BCL2: variants seen among roughly 807,000 people sequenced by gnomAD.
BCL2 encodes the protein BCL2 apoptosis regulator, also known as apoptosis regulator Bcl-2.
A neutral mutation model predicts 14.2 loss-of-function variants in BCL2; 1 was observed. That is an observed-to-expected ratio of 0.07 (90% CI 0.02 to 0.33). The LOEUF is 0.33. Ranked by LOEUF, BCL2 falls within the 10% of genes least tolerant of loss-of-function variation. The probability of loss-of-function intolerance (pLI) is 0.99; values close to 1 mark genes in which losing one functional copy is unlikely to be tolerated. For synonymous variants in BCL2, 151 were observed against 137.2 expected (o/e 1.10, Z -0.70); for missense variants, 247 against 305.9 (o/e 0.81, Z 1.44).
At chr18:63,159,602 A>T (rs1281891827) in intron 2 of BCL2, among the ~76,000 whole-genome samples, 4 of 152,346 alleles carry the variant, frequency 2.6e-5, no homozygotes, top group African/African-American at 9.6e-5. Context: ...GAAGCAGTCC[A>T]TCTCAGTGAG....
At chr18:63,172,252 C>CT (rs1437196416) in intron 2 of BCL2, among the ~76,000 whole-genome samples, 1 of 152,204 alleles carries the variant, frequency 6.6e-6, no homozygotes, top group Non-Finnish European at 1.5e-5. Context: ...TTTTCACATC[C>CT]TTTCATTCAC....
At chr18:63,195,431 A>C (rs1243727032) in intron 2 of BCL2, among the ~76,000 whole-genome samples, 1 of 152,192 alleles carries the variant, frequency 6.6e-6, no homozygotes, top group Non-Finnish European at 1.5e-5. Context: ...TCACTCCTTC[A>C]CCTTCTTTTA....
intron 2 of BCL2, among the ~76,000 whole-genome samples, chr18:63,147,958 T>G (rs180984688): frequency 2.4e-4 from 36 of 152,306 alleles, no homozygotes; most frequent in African/African-American, 8.7e-4. Flanking sequence ...GTTTCCACAT[T>G]TAAGTCTTTT....
intron 2 of BCL2, among the ~76,000 whole-genome samples, chr18:63,224,656 T>C (rs1910496841): frequency 6.6e-6 from 1 of 152,156 alleles, no homozygotes; most frequent in South Asian, 2.1e-4. Flanking sequence ...TACTGTAAGC[T>C]GGGAGCCACA....
At chr18:63,193,799 T>C (rs972731734) in intron 2 of BCL2, among the ~76,000 whole-genome samples, 20 of 152,132 alleles carry the variant, frequency 1.3e-4, no homozygotes, top group African/African-American at 4.8e-4. Context: ...GGTTCTAAAA[T>C]GATATCATCA....
chr18:63,233,666 C>T (rs150364911), intron 2 of BCL2, among the ~76,000 whole-genome samples: 51 of 152,284 alleles, frequency 3.3e-4, no homozygotes, highest in Middle Eastern at 6.8e-3. Flanking sequence ...CTGCAGCTCA[C>T]CTTCTGCGGT....
intron 2 of BCL2, among the ~76,000 whole-genome samples, chr18:63,306,330 T>C (rs1568264941): frequency 6.6e-6 from 1 of 152,230 alleles, no homozygotes; most frequent in Non-Finnish European, 1.5e-5. Context: ...CTTGATCTCT[T>C]GCCCGTTTGC....
At chr18:63,203,037 C>T (rs1434136683) in intron 2 of BCL2, among the ~76,000 whole-genome samples, 1 of 152,212 alleles carries the variant, frequency 6.6e-6, no homozygotes, top group African/African-American at 2.4e-5. Flanking sequence ...TGTCAGCATC[C>T]AGGCTGGGGA....
intron 2 of BCL2, among the ~76,000 whole-genome samples, chr18:63,246,100 G>T (rs1012573981): frequency 2.6e-5 from 4 of 152,158 alleles, no homozygotes; most frequent in African/African-American, 9.7e-5. Context: ...GCATTACAAC[G>T]AGCATTCTAA....
chr18:63,232,978 A>G (rs1229651603), intron 2 of BCL2, among the ~76,000 whole-genome samples: 1 of 152,256 alleles, frequency 6.6e-6, no homozygotes, highest in Non-Finnish European at 1.5e-5. Context: ...TGTAACATTT[A>G]TCTTTCAGTT....
chr18:63,197,555 G>A (rs1277133685), intron 2 of BCL2, among the ~76,000 whole-genome samples: 2 of 151,932 alleles, frequency 1.3e-5, no homozygotes, highest in Admixed American at 1.3e-4. Flanking sequence ...TCTGTGAGGC[G>A]CCAGTCACTC....
chr18:63,261,599 T>C (rs570381733), intron 2 of BCL2, among the ~76,000 whole-genome samples: 23 of 152,244 alleles, frequency 1.5e-4, no homozygotes, highest in Non-Finnish European at 2.9e-4. Context: ...GAAACTCACA[T>C]AGAAATAAAA....
At chr18:63,279,889 T>C (rs1180262704) in intron 2 of BCL2, among the ~76,000 whole-genome samples, 4 of 152,200 alleles carry the variant, frequency 2.6e-5, no homozygotes, top group East Asian at 1.9e-4. Context: ...ACTTAGGTGG[T>C]AAATGTGTAA....
At chr18:63,165,146 G>A (rs763490952) in intron 2 of BCL2, among the ~76,000 whole-genome samples, 4 of 152,026 alleles carry the variant, frequency 2.6e-5, no homozygotes, top group Non-Finnish European at 2.9e-5. Context: ...ATTATTGGGC[G>A]CCTACCATGT....
intron 2 of BCL2, among the ~76,000 whole-genome samples, chr18:63,242,403 C>G (rs1279665732): frequency 6.6e-6 from 1 of 152,182 alleles, no homozygotes; most frequent in Non-Finnish European, 1.5e-5. Flanking sequence ...TGATATAGAG[C>G]CCAATTTATT....
At chr18:63,233,559 C>T (rs1405554997) in intron 2 of BCL2, among the ~76,000 whole-genome samples, 1 of 152,136 alleles carries the variant, frequency 6.6e-6, no homozygotes, top group African/African-American at 2.4e-5. Flanking sequence ...CAAGATCCCT[C>T]GGGTGCACAG....
chr18:63,287,300 T>C (rs1277134824), intron 2 of BCL2, among the ~76,000 whole-genome samples: 1 of 152,192 alleles, frequency 6.6e-6, no homozygotes, highest in African/African-American at 2.4e-5. Context: ...ACAAGGAAAC[T>C]GAAGCTTGGA....
chr18:63,141,055 G>C (rs1289657371), intron 2 of BCL2, among the ~76,000 whole-genome samples: 2 of 152,024 alleles, frequency 1.3e-5, no homozygotes, highest in Non-Finnish European at 2.9e-5. Flanking sequence ...GGGGTCGGAT[G>C]CATGAGCAGC....
At chr18:63,289,633 C>A (rs1385175336) in intron 2 of BCL2, among the ~76,000 whole-genome samples, 1 of 152,128 alleles carries the variant, frequency 6.6e-6, no homozygotes, top group Admixed American at 6.5e-5. Flanking sequence ...GTGGCTCATG[C>A]CTATAACCCC....
Sources: allele counts gnomAD v4.1 joint callset (sites outside exome capture counted in the v4.1 genomes callset), GRCh38; gene constraint gnomAD v4.1.1; transcripts MANE v1.5; gene names NCBI Gene and HGNC (gene_info 2026-07-23, HGNC 2026-07-21).